FBXW10: variants seen among roughly 807,000 people sequenced by gnomAD.
FBXW10 encodes F-box/WD repeat-containing protein 10.
FBXW10 carries 68 observed loss-of-function variants against 113.1 expected under a neutral mutation model. The observed-to-expected ratio is 0.60, with a 90% CI of 0.49 to 0.74. The LOEUF (loss-of-function observed/expected upper bound fraction) is 0.74, where lower values mean the gene tolerates loss of function less well. Among genes scored for constraint, FBXW10 ranks in the 30% least tolerant of loss-of-function variants. The pLI, the probability that FBXW10 is intolerant of heterozygous loss-of-function variation, is 0.00. For synonymous variants in FBXW10, 289 were observed against 481.6 expected (o/e 0.60, Z 5.24); for missense variants, 753 against 1,284.5 (o/e 0.59, Z 6.32).
At chr17:18,775,068 G>A in intron 12 of FBXW10, 68 bp from the exon 13 acceptor site, 1 of 1,008,296 alleles carries the variant, frequency 9.9e-7, no homozygotes, top group Non-Finnish European at 1.5e-6. Context: ...CATTATTATT[G>A]ATTATATTAT....
rs776828221 is a variant in FBXW10 at position 18,744,780 on chromosome 17, G to A, written c.505+31G>A. On this transcript the variant is annotated intron_variant, in intron 1 of 13. Transcript: ENST00000395665. ...CAAGGCCACAGGCAGAGACTAGAGG[G>A]CCCCCGAAGACCAGAAGGCAAGGCT... 8 of 1,602,512 alleles carry A rather than the reference G, an allele frequency of 5.0e-6. No individual in the cohort carries two copies. The East Asian group carries it at 6.7e-5, about 13-fold the overall frequency.
At position 18,744,380 on chromosome 17, in the gene FBXW10, T is replaced by G. The variant is rs1470830088; in HGVS notation, c.136T>G (p.Cys46Gly). The G allele has an allele frequency of 6.2e-7, 1 of 1,613,862 alleles. No homozygotes were observed. The highest frequency in any genetic ancestry group is 1.7e-5 in the Admixed American group (1 of 59,996). The change falls in exon 1 of 14, where the codon TGC becomes GGC. Residue 46 changes from cysteine (C) to glycine (G), a missense_variant. Coordinates refer to ENST00000395665, the MANE Select transcript of FBXW10 (RefSeq NM_001267585.2). ...WKIFSTKEWF[C>G]RINDISQRRF... ...GATCTTCTCTACCAAAGAGTGGTTC[T>G]GCAGGATCAATGACATATCACAGAG...
chr17:18,747,997 A>C lies in FBXW10; in HGVS notation c.562A>C (p.Lys188Gln). The C allele has an allele frequency of 6.2e-7, 1 of 1,613,902 alleles. No homozygotes were observed. Among genetic ancestry groups the C allele is most frequent in the Non-Finnish European group, 8.5e-7 (1 of 1,179,848 alleles). The change falls in exon 2 of 14, where the codon AAG becomes CAG. Residue 188 changes from lysine (K) to glutamine (Q), a missense_variant. By Grantham distance (53) the Lys-to-Gln change is moderately conservative. Coordinates refer to ENST00000395665, the MANE Select transcript of FBXW10 (RefSeq NM_001267585.2). ...TTCCCCTGAGAAAGACCACAGCTCC[A>C]AGTCTGCGACCTCACAAGTCTATTG... ...CFSPEKDHSS[K>Q]SATSQVYWTA...
At chr17:18,750,696 T>C (rs1318643366) in intron 4 of FBXW10, among the ~76,000 whole-genome samples, 1 of 152,090 alleles carries the variant, frequency 6.6e-6, no homozygotes, top group South Asian at 2.1e-4. Context: ...CTGGCGACAG[T>C]CTGACCGTCT....
chr17:18,748,925 T>C (rs2035098916), intron 2 of FBXW10, among the ~76,000 whole-genome samples: 4 of 152,184 alleles, frequency 2.6e-5, no homozygotes, highest in Admixed American at 6.5e-5. Flanking sequence ...GCAAGACATA[T>C]ACATGAAATA....
At chr17:18,760,319 A>G (rs922271411) in intron 7 of FBXW10, among the ~76,000 whole-genome samples, 2 of 152,246 alleles carry the variant, frequency 1.3e-5, no homozygotes, top group African/African-American at 4.8e-5. Context: ...GAGATTTACT[A>G]TAAAGTATTG....
intron 10 of FBXW10, 139 bp from the exon 11 acceptor site, chr17:18,769,788 A>AG (rs2035573546): frequency 9.8e-7 from 1 of 1,019,784 alleles, no homozygotes; most frequent in African/African-American, 1.6e-5. Context: ...AAAAAAAAAA[A>AG]AAAAAAGACA....
intron 13 of FBXW10, among the ~76,000 whole-genome samples, chr17:18,777,192 G>T (rs2151835883): frequency 6.6e-6 from 1 of 151,414 alleles, no homozygotes; most frequent in East Asian, 2.0e-4. Flanking sequence ...CTCCTCAGTA[G>T]CTAGGATTAC....
chr17:18,744,908 G>A (rs1007051395), intron 1 of FBXW10, 159 bp downstream of exon 1: 14 of 1,460,786 alleles, frequency 9.6e-6, no homozygotes, highest in East Asian at 2.5e-5. Flanking sequence ...CCTGACACCC[G>A]ATCCTGTTTA....
At chr17:18,749,527 A>G (rs2035115236) in intron 2 of FBXW10, among the ~76,000 whole-genome samples, 195 bp from the exon 3 acceptor site, 1 of 148,248 alleles carries the variant, frequency 6.7e-6, no homozygotes, top group Admixed American at 6.8e-5. Context: ...AACCTGGGCG[A>G]CAGAGCGAGA....
intron 5 of FBXW10, among the ~76,000 whole-genome samples, chr17:18,755,038 A>G (rs1037104489): frequency 1.3e-5 from 2 of 151,992 alleles, no homozygotes; most frequent in African/African-American, 4.8e-5. Context: ...TGAGGCAGGC[A>G]GATCACCTGA....
intron 9 of FBXW10, among the ~76,000 whole-genome samples, 179 bp from the exon 10 acceptor site, chr17:18,768,355 C>A (rs573417583): frequency 6.6e-6 from 1 of 152,082 alleles, no homozygotes; most frequent in Admixed American, 6.6e-5. Context: ...CATGAGCCAC[C>A]GCACCCGGCC....
chr17:18,771,340 G>A (rs1013547305), intron 11 of FBXW10, among the ~76,000 whole-genome samples: 1 of 152,178 alleles, frequency 6.6e-6, no homozygotes, highest in African/African-American at 2.4e-5. Flanking sequence ...CCTGTGCAGA[G>A]TATTTTCATT....
intron 7 of FBXW10, among the ~76,000 whole-genome samples, chr17:18,762,303 A>G (rs2035401737): frequency 6.7e-6 from 1 of 149,736 alleles, no homozygotes; most frequent in South Asian, 2.1e-4. Context: ...TCAACTGCAA[A>G]TGACAATATA....
At chr17:18,762,970 A>C (rs2035415248) in intron 7 of FBXW10, among the ~76,000 whole-genome samples, 1 of 149,168 alleles carries the variant, frequency 6.7e-6, no homozygotes, top group South Asian at 2.2e-4. Flanking sequence ...TTTCTTTCAG[A>C]GCACTGTGCC....
intron 13 of FBXW10, among the ~76,000 whole-genome samples, 173 bp downstream of exon 13, chr17:18,775,365 A>T (rs1446914712): frequency 2.6e-5 from 4 of 152,226 alleles, no homozygotes; most frequent in Non-Finnish European, 5.9e-5. Flanking sequence ...GTTTTCCAGC[A>T]GGCCACTACC....
At position 18,753,197 on chromosome 17, in the gene FBXW10, T is replaced by C. The variant is rs535121474; in HGVS notation, c.1122+2144T>C. Among the ~76,000 whole-genome samples the C allele has an allele frequency of 8.7e-4, 133 of 152,272 alleles. 1 individual carries two copies. The highest frequency in any genetic ancestry group is 3.1e-3 in the African/African-American group (128 of 41,548). ...CACAGAGGGAAGTGGGGGGACAGTC[T>C]CTTGGGTAACTACCAAACTTCACCC... On this transcript the variant is annotated intron_variant, in intron 5 of 13. Coordinates refer to ENST00000395665, the MANE Select transcript of FBXW10 (RefSeq NM_001267585.2).
At chr17:18,746,575 G>C (rs2035041053) in intron 1 of FBXW10, among the ~76,000 whole-genome samples, 1 of 152,224 alleles carries the variant, frequency 6.6e-6, no homozygotes, top group South Asian at 2.1e-4. Flanking sequence ...CAGGGGTATA[G>C]AAGAATGATA....
In FBXW10 at chr17:18,772,543, T is replaced by G; in HGVS notation, c.2138T>G (p.Met713Arg). Residue 713 changes from methionine to arginine, a missense_variant, in exon 12 of 14, where the codon ATG (methionine) becomes AGG (arginine). By Grantham distance (91) the Met-to-Arg change is moderately conservative. Coordinates refer to ENST00000395665, the MANE Select transcript of FBXW10 (RefSeq NM_001267585.2). The part of the protein sequence containing the change: ...KEEEKEENSL[M>R]EILSKCNIQV... ...GAGGAAAAAGAAGAAAATAGTCTCA[T>G]GGAAATTCTCTCTAAGTGTAATATT... is the stretch of plus-strand genomic sequence containing the variant. 2 of 1,614,156 alleles carry G rather than the reference T, an allele frequency of 1.2e-6. No homozygotes were observed. The highest frequency in any genetic ancestry group is 2.7e-5 in the African/African-American group (2 of 75,040).
Sources: gnomAD v4.1 joint callset for allele counts (sites outside exome capture counted in the v4.1 genomes callset) on GRCh38, gnomAD v4.1.1 for gene constraint, MANE v1.5 for transcripts, NCBI Gene and HGNC (gene_info 2026-07-23, HGNC 2026-07-21) for gene names.